MIB1: variants seen among roughly 807,000 people sequenced by gnomAD.
MIB1 encodes the protein E3 ubiquitin-protein ligase MIB1.
MIB1 carries 278 observed loss-of-function variants against 124.5 expected under a neutral mutation model. That is an observed-to-expected ratio of 2.23 (90% CI 2.02 to 2.47). The LOEUF is 2.47. MIB1 is among the 30% of genes most tolerant of loss of function. MIB1 has a pLI of 0.00. For missense variants in MIB1, 957 were observed against 1,254.4 expected (o/e 0.76, Z 3.58); for synonymous variants, 446 against 429.4 (o/e 1.04, Z -0.48).
chr18:21,744,601 A>G (rs1455393250), intron 1 of MIB1, among the ~76,000 whole-genome samples: 1 of 152,184 alleles, frequency 6.6e-6, no homozygotes, highest in Non-Finnish European at 1.5e-5. Context: ...AATCTGGGTG[A>G]GTTCCTCAGT....
intron 4 of MIB1, among the ~76,000 whole-genome samples, chr18:21,777,510 A>T (rs910201937): frequency 2.0e-5 from 3 of 152,206 alleles, no homozygotes; most frequent in African/African-American, 4.8e-5. Flanking sequence ...TTTATTAATT[A>T]TAAGCATTTT....
chr18:21,764,580 C>G (rs758329292), intron 1 of MIB1, among the ~76,000 whole-genome samples: 5 of 152,076 alleles, frequency 3.3e-5, no homozygotes, highest in Admixed American at 6.6e-5. Context: ...CTCCTTTCTT[C>G]TATTTAATTA....
chr18:21,717,952 T>C (rs1425932961), intron 1 of MIB1, among the ~76,000 whole-genome samples: 1 of 152,212 alleles, frequency 6.6e-6, no homozygotes, highest in Non-Finnish European at 1.5e-5. Flanking sequence ...CACATGTTTA[T>C]AGCAGCACAA....
In MIB1 at chr18:21,798,703, A is replaced by G. The variant is rs550570348; in HGVS notation, c.1237+475A>G. Among the ~76,000 whole-genome samples the G allele has an allele frequency of 8.5e-5, 13 of 152,146 alleles. No individual in the cohort carries two copies. In the East Asian group the frequency reaches 2.3e-3, roughly 27 times the overall value. On this transcript the variant is annotated intron_variant, in intron 8 of 20. Transcript: ENST00000261537. The stretch of plus-strand genomic sequence containing the variant: ...CATTTAATGAGTTGTTATACATGCT[A>G]CCGTGACTAGAAACTATGCTAAAAT...
intron 6 of MIB1, among the ~76,000 whole-genome samples, chr18:21,782,149 T>A (rs1206053729): frequency 6.6e-6 from 1 of 152,066 alleles, no homozygotes; most frequent in East Asian, 1.9e-4. Flanking sequence ...TGAGACGAAG[T>A]TTCGCTCTTG....
chr18:21,746,024 G>C (rs1031474407), intron 1 of MIB1, among the ~76,000 whole-genome samples: 1 of 152,146 alleles, frequency 6.6e-6, no homozygotes, highest in East Asian at 1.9e-4. Context: ...ATTTTTGTGT[G>C]TGTCATATTT....
chr18:21,756,626 G>T (rs1005001762), intron 1 of MIB1, among the ~76,000 whole-genome samples: 1 of 152,032 alleles, frequency 6.6e-6, no homozygotes, highest in African/African-American at 2.4e-5. Context: ...CACCGTGGCC[G>T]GCAAATTTTG....
chr18:21,852,787 CTTTA>C (rs1417610624), intron 17 of MIB1, among the ~76,000 whole-genome samples: 3 of 152,048 alleles, frequency 2.0e-5, no homozygotes, highest in Non-Finnish European at 4.4e-5. Flanking sequence ...TATTTTACTA[CTTTA>C]TTTGTTCGTT....
rs752653937 is a variant in MIB1 at position 21,791,563 on chromosome 18, T to C, written c.1092+6T>C. ...GGGCTGAAGCGATGCTTCCAGTAAG[T>C]ATGTTTAGAATAATTCTGGGCTAGA... On this transcript the variant is annotated splice_donor_region_variant and intron_variant, in intron 7 of 20. Coordinates refer to ENST00000261537, the MANE Select transcript of MIB1 (RefSeq NM_020774.4). 2 of 1,604,920 alleles carry C rather than the reference T, an allele frequency of 1.2e-6. No homozygotes were observed. Among genetic ancestry groups the C allele is most frequent in the South Asian group, 1.1e-5 (1 of 90,258 alleles).
At chr18:21,732,393 C>CACACACAT (rs2040775951) in intron 1 of MIB1, among the ~76,000 whole-genome samples, 1 of 143,554 alleles carries the variant, frequency 7.0e-6, no homozygotes, top group Admixed American at 7.0e-5. Flanking sequence ...CACACACACA[C>CACACACAT]AGAGCAAGAG....
At chr18:21,847,871 AT>A (rs1181336278) in intron 16 of MIB1, among the ~76,000 whole-genome samples, 4 of 152,212 alleles carry the variant, frequency 2.6e-5, no homozygotes, top group African/African-American at 9.7e-5. Context: ...GACATAACTA[AT>A]TTCCTTATGA....
chr18:21,724,727 A>AAAAAAT (rs1350936232), intron 1 of MIB1, among the ~76,000 whole-genome samples: 21 of 17,372 alleles, frequency 1.2e-3, no homozygotes, highest in African/African-American at 1.8e-3. Context: ...AAAAAAAAAA[A>AAAAAAT]ATATATATAT....
rs1555695313 is a variant in MIB1, at chr18:21,835,784, AAT to A, written c.1830-2566_1830-2565del. Among the ~76,000 whole-genome samples, 73 of 119,306 alleles carry A rather than the reference AAT, an allele frequency of 6.1e-4. No homozygotes were observed. The Middle Eastern group carries it at 0.022, about 36-fold the overall frequency. The allele number at this position is 119,306 out of a possible 152,430, so 78.3% of individuals were successfully genotyped here. A position where few individuals can be genotyped will look rare whatever the true frequency, so the allele number is the denominator to read the frequency against. On this transcript the variant is annotated intron_variant, in intron 12 of 20. Transcript: ENST00000261537. ...GACTCCATCTCAAGAAAAAAAAAAA[AAT>A]ATATATATATATATCCACACACACA... is the stretch of plus-strand genomic sequence containing the variant.
intron 1 of MIB1, among the ~76,000 whole-genome samples, chr18:21,761,042 C>G (rs2041092091): frequency 6.6e-6 from 1 of 152,080 alleles, no homozygotes; most frequent in Non-Finnish European, 1.5e-5. Flanking sequence ...AAGACAGATA[C>G]AGTTATTAGA....
chr18:21,722,900 A>G (rs2146359216), intron 1 of MIB1, among the ~76,000 whole-genome samples: 1 of 152,296 alleles, frequency 6.6e-6, no homozygotes, highest in African/African-American at 2.4e-5. Context: ...TGGCTAAAGC[A>G]GTTGTTTGCC....
At chr18:21,777,589 C>T (rs1049329341) in intron 4 of MIB1, among the ~76,000 whole-genome samples, 3 of 151,992 alleles carry the variant, frequency 2.0e-5, no homozygotes, top group Admixed American at 6.6e-5. Context: ...TCTCCTTGCT[C>T]TGTTGCCCGG....
At chr18:21,796,398 G>A (rs1409584854) in intron 7 of MIB1, among the ~76,000 whole-genome samples, 1 of 151,960 alleles carries the variant, frequency 6.6e-6, no homozygotes, top group Non-Finnish European at 1.5e-5. Context: ...TGTCAGGGTG[G>A]GGGGCAAGGG....
At position 21,771,589 on chromosome 18, in the gene MIB1, T is replaced by C. The variant is rs74568775; in HGVS notation, c.532-2035T>C. On this transcript the variant is annotated intron_variant, in intron 3 of 20. Transcript: ENST00000261537. Reference sequence around the variant, plus strand: ...CAAATTAAGGTAAATGGTGGACTCTTAACTTCAGGATGGTAGTTACCTCTA... The same window carrying C: ...CAAATTAAGGTAAATGGTGGACTCTCAACTTCAGGATGGTAGTTACCTCTA... Among the ~76,000 whole-genome samples, 859 of 152,304 alleles carry C rather than the reference T, an allele frequency of 5.6e-3. 10 individuals carry two copies. The highest frequency in any genetic ancestry group is 0.02 in the African/African-American group (825 of 41,562).
At chr18:21,755,382 A>AGTGC (rs2041020244) in intron 1 of MIB1, among the ~76,000 whole-genome samples, 1 of 148,792 alleles carries the variant, frequency 6.7e-6, no homozygotes, top group Non-Finnish European at 1.5e-5. Context: ...CCCAGGCTGG[A>AGTGC]GTGCAATGGC....
Sources: allele counts gnomAD v4.1 joint callset (sites outside exome capture counted in the v4.1 genomes callset), GRCh38; gene constraint gnomAD v4.1.1; transcripts MANE v1.5; gene names NCBI Gene and HGNC (gene_info 2026-07-23, HGNC 2026-07-21).